The following KIF2A variants were observed in gnomAD, a reference collection of about 807,000 sequenced individuals.
The protein encoded by KIF2A is kinesin family member 2A.
Under a neutral mutation model 100.2 loss-of-function variants are expected in KIF2A, and 22 were observed. The observed-to-expected ratio is 0.22, with a 90% CI of 0.16 to 0.31. The LOEUF is 0.31. Among genes scored for constraint, KIF2A ranks in the 10% least tolerant of loss-of-function variants. KIF2A has a pLI of 1.00. For missense variants in KIF2A, 495 were observed against 898.7 expected (o/e 0.55, Z 5.74); for synonymous variants, 268 against 285.9 (o/e 0.94, Z 0.63).
chr5:62,337,159 G>A (rs988756172), intron 1 of KIF2A, among the ~76,000 whole-genome samples: 9 of 152,108 alleles, frequency 5.9e-5, no homozygotes, highest in African/African-American at 1.9e-4. Flanking sequence ...TCTAGAGTAC[G>A]GAAAGGGAAA....
chr5:62,364,397 C>T (rs757905318), intron 14 of KIF2A, among the ~76,000 whole-genome samples: 1 of 152,170 alleles, frequency 6.6e-6, no homozygotes, highest in Non-Finnish European at 1.5e-5. Context: ...CTACCCACCT[C>T]AGCCTTCCAA....
chr5:62,366,410 G>A lies in KIF2A; in HGVS notation c.1579-4G>A, dbSNP rs1205502180. ...TTTACCTTTGCATTTTTTTTTTCCTGTAGATTGCCACAATCTCTCCAGGAA... is the reference window on the plus strand; with the variant it reads ...TTTACCTTTGCATTTTTTTTTTCCTATAGATTGCCACAATCTCTCCAGGAA... On this transcript the variant is annotated splice_region_variant and splice_polypyrimidine_tract_variant and intron_variant, in intron 15 of 20. Transcript: ENST00000407818. The A allele has an allele frequency of 3.9e-6, 6 of 1,549,524 alleles. No homozygotes were observed. The highest frequency in any genetic ancestry group is 1.4e-5 in the African/African-American group (1 of 72,326).
intron 1 of KIF2A, among the ~76,000 whole-genome samples, chr5:62,309,654 G>C (rs747392296): frequency 6.6e-6 from 1 of 152,180 alleles, no homozygotes; most frequent in Non-Finnish European, 1.5e-5. Context: ...GAGTAAAGAA[G>C]GGCTGCTTCA....
chr5:62,373,628 A>G (rs1442116107), intron 17 of KIF2A, 59 bp from the exon 18 acceptor site: 2 of 1,276,626 alleles, frequency 1.6e-6, no homozygotes, highest in Non-Finnish European at 2.3e-6. Context: ...ATAGGCTGGT[A>G]TTTTCTCGTT....
intron 3 of KIF2A, among the ~76,000 whole-genome samples, chr5:62,348,638 A>G (rs1747693790): frequency 6.6e-6 from 1 of 152,216 alleles, no homozygotes; most frequent in Non-Finnish European, 1.5e-5. Context: ...AAACTGTGCT[A>G]AATCCTCCCT....
chr5:62,375,974 A>G (rs1055494881), intron 18 of KIF2A, among the ~76,000 whole-genome samples: 4 of 152,226 alleles, frequency 2.6e-5, no homozygotes, highest in Admixed American at 2.6e-4. Flanking sequence ...TCAGTCCATC[A>G]CTTATGTCCA....
rs755608760 is a variant in KIF2A, at chr5:62,390,572, G to C, written c.*5003G>C. 2.0e-5 allele frequency among the ~76,000 whole-genome samples: 3 copies of C among 152,182 alleles called. No individual in the cohort carries two copies. Among genetic ancestry groups the C allele is most frequent in the Admixed American group, 2.0e-4 (3 of 15,274 alleles). On this transcript the variant is annotated 3_prime_UTR_variant, in exon 21 of 21. Coordinates refer to ENST00000407818, the MANE Select transcript of KIF2A (RefSeq NM_001098511.3). ...CTATTAAGACTAAGACTATGAATGA[G>C]AGTTGGGGAAGGAGCAGGAAGGGAG...
chr5:62,306,547 C>CT lies in KIF2A; in HGVS notation c.64+12dup. 3 of 1,544,354 alleles carry CT rather than the reference C, an allele frequency of 1.9e-6. No homozygotes were observed. Among genetic ancestry groups the CT allele is most frequent in the Non-Finnish European group, 2.6e-6 (3 of 1,143,882 alleles). On this transcript the variant is annotated intron_variant, in intron 1 of 20. Coordinates refer to ENST00000407818, the MANE Select transcript of KIF2A (RefSeq NM_001098511.3). ...TCAAGCGCAGCGATGGTGAGCCGCGCTGCCAGCCCCGCTGGCCCGCTCGGC... is the reference window on the plus strand; with the variant it reads ...TCAAGCGCAGCGATGGTGAGCCGCGCTTGCCAGCCCCGCTGGCCCGCTCGGC...
At chr5:62,314,450 C>A (rs1227925888) in intron 1 of KIF2A, among the ~76,000 whole-genome samples, 1 of 152,072 alleles carries the variant, frequency 6.6e-6, no homozygotes, top group Non-Finnish European at 1.5e-5. Context: ...GGTGACAGAA[C>A]AAGTCACTGT....
At position 62,366,425 on chromosome 5, in the gene KIF2A, C is replaced by G; in HGVS notation, c.1590C>G (p.Ile530Met). 1 of 1,575,554 alleles carries G rather than the reference C, an allele frequency of 6.3e-7. No homozygotes were observed. The highest frequency in any genetic ancestry group is 8.7e-7 in the Non-Finnish European group (1 of 1,155,966). The change falls in exon 16 of 21, where the codon ATC (isoleucine) becomes ATG (methionine). Residue 530 changes from isoleucine to methionine, a missense_variant. Coordinates refer to ENST00000407818, the MANE Select transcript of KIF2A (RefSeq NM_001098511.3). ...ENSRTCMIAT[I>M]SPGMASCENT... ...TTTTTTTCCTGTAGATTGCCACAAT[C>G]TCTCCAGGAATGGCATCCTGTGAAA...
At chr5:62,380,927 A>G (rs939263162) in intron 19 of KIF2A, among the ~76,000 whole-genome samples, 191 bp from the exon 20 acceptor site, 1 of 152,168 alleles carries the variant, frequency 6.6e-6, no homozygotes, top group African/African-American at 2.4e-5. Context: ...GGACCCAAAC[A>G]GTTTAAACCC....
chr5:62,342,399 G>A (rs1381895340), intron 1 of KIF2A, among the ~76,000 whole-genome samples: 1 of 152,182 alleles, frequency 6.6e-6, no homozygotes, highest in Non-Finnish European at 1.5e-5. Flanking sequence ...GCACTGCTTA[G>A]ATGTCTCTCT....
At chr5:62,354,929 G>A (rs1029237945) in intron 6 of KIF2A, among the ~76,000 whole-genome samples, 2 of 152,090 alleles carry the variant, frequency 1.3e-5, no homozygotes, top group Non-Finnish European at 2.9e-5. Context: ...GGAGTTAACA[G>A]AATGCATACC....
chr5:62,306,945 C>A (rs1397128093), intron 1 of KIF2A: 28 of 165,812 alleles, frequency 1.7e-4, no homozygotes, highest in Non-Finnish European at 9.1e-5. Context: ...ACCGGCTTGG[C>A]CTCTGACGGG....
intron 1 of KIF2A, among the ~76,000 whole-genome samples, chr5:62,315,886 G>A (rs1039080754): frequency 2.6e-5 from 4 of 152,176 alleles, no homozygotes; most frequent in Non-Finnish European, 5.9e-5. Context: ...CAGATGATAT[G>A]CAGAACACAC....
intron 1 of KIF2A, among the ~76,000 whole-genome samples, chr5:62,326,460 C>T (rs1006680591): frequency 6.6e-6 from 1 of 152,112 alleles, no homozygotes; most frequent in Non-Finnish European, 1.5e-5. Context: ...TACAAGTCAG[C>T]CACATCTACC....
chr5:62,368,475 C>T (rs1464995338), intron 16 of KIF2A, among the ~76,000 whole-genome samples: 1 of 152,036 alleles, frequency 6.6e-6, no homozygotes, highest in Non-Finnish European at 1.5e-5. Context: ...AATATAATCA[C>T]TTCTTTAAAA....
chr5:62,312,234 A>G (rs1384931721), intron 1 of KIF2A, among the ~76,000 whole-genome samples: 1 of 152,244 alleles, frequency 6.6e-6, no homozygotes, highest in Non-Finnish European at 1.5e-5. Flanking sequence ...AAAGATTTTG[A>G]AACTCTGGGG....
At chr5:62,384,965 A>C (rs1741949290) in intron 20 of KIF2A, among the ~76,000 whole-genome samples, 1 of 152,142 alleles carries the variant, frequency 6.6e-6, no homozygotes, top group Non-Finnish European at 1.5e-5. Context: ...CAACATGGTA[A>C]AACCCCGTAT....
Sources: allele counts gnomAD v4.1 joint callset (sites outside exome capture counted in the v4.1 genomes callset), GRCh38; gene constraint gnomAD v4.1.1; transcripts MANE v1.5; gene names NCBI Gene and HGNC (gene_info 2026-07-23, HGNC 2026-07-21).